NSF: variants seen among roughly 807,000 people sequenced by gnomAD.
NSF encodes the protein N-ethylmaleimide sensitive factor, vesicle fusing ATPase.
Under a neutral mutation model 50.3 loss-of-function variants are expected in NSF, and 14 were observed. The observed-to-expected ratio is 0.28, with a 90% CI of 0.18 to 0.44. The LOEUF is 0.44. Among genes scored for constraint, NSF ranks in the 20% least tolerant of loss-of-function variants. NSF has a pLI of 1.00. For synonymous variants in NSF, 109 were observed against 175.7 expected (o/e 0.62, Z 3.00); for missense variants, 218 against 504.3 (o/e 0.43, Z 5.44).
chr17:46,735,580 C>T (rs1023451371), intron 17 of NSF, among the ~76,000 whole-genome samples: 12 of 151,972 alleles, frequency 7.9e-5, no homozygotes, highest in African/African-American at 2.9e-4. Context: ...AGAGATAATT[C>T]CTCATGTGTT....
intron 17 of NSF, among the ~76,000 whole-genome samples, chr17:46,735,695 A>G (rs2058996182): frequency 6.6e-6 from 1 of 152,204 alleles, no homozygotes; most frequent in Admixed American, 6.5e-5. Flanking sequence ...CTGTAATCCC[A>G]GCACTTTGGG....
At chr17:46,741,090 GAC>G (rs1338654267) in intron 17 of NSF, among the ~76,000 whole-genome samples, 14 of 152,134 alleles carry the variant, frequency 9.2e-5, no homozygotes, top group Admixed American at 3.3e-4. Flanking sequence ...AAAAACAGTA[GAC>G]AGCAAAGCAT....
At chr17:46,740,843 G>A (rs2059064171) in intron 17 of NSF, among the ~76,000 whole-genome samples, 1 of 152,026 alleles carries the variant, frequency 6.6e-6, no homozygotes. Flanking sequence ...TGTATTTTTA[G>A]TAGAGATGGG....
intron 8 of NSF, among the ~76,000 whole-genome samples, chr17:46,655,893 T>A (rs2058258756): frequency 9.9e-6 from 1 of 101,386 alleles, no homozygotes; most frequent in Non-Finnish European, 1.9e-5. Context: ...TTTTTTCATG[T>A]TATCTAGAAA....
At chr17:46,721,773 C>CCTCAAGGAAG (rs773157332) in intron 15 of NSF, 1 of 1,602,058 alleles carries the variant, frequency 6.2e-7, no homozygotes, top group Non-Finnish European at 8.5e-7. Context: ...AAGACCAAGT[C>CCTCAAGGAAG]CTCAAGGAAG....
At chr17:46,744,095 G>A (rs1032645220) in intron 17 of NSF, among the ~76,000 whole-genome samples, 1 of 152,026 alleles carries the variant, frequency 6.6e-6, no homozygotes, top group African/African-American at 2.4e-5. Context: ...CCCATAAACC[G>A]GGTGCCCTCC....
chr17:46,725,042 G>T (rs1254685868), intron 15 of NSF, among the ~76,000 whole-genome samples: 2 of 151,956 alleles, frequency 1.3e-5, no homozygotes. Context: ...ATGATATGAG[G>T]ATACAGAGGT....
At position 46,741,700 on chromosome 17, in the gene NSF, A is replaced by T. The variant is rs758018327; in HGVS notation, c.1909-8073A>T. On this transcript the variant is annotated intron_variant, in intron 17 of 20. Coordinates refer to ENST00000398238, the MANE Select transcript of NSF (RefSeq NM_006178.4). Reference sequence around the variant, plus strand: ...CTTGTCTCTGGTTGCTTTTAATGGTAGTCGATCTTTTCCCTTGGTTTGGGG... The same window carrying T: ...CTTGTCTCTGGTTGCTTTTAATGGTTGTCGATCTTTTCCCTTGGTTTGGGG... Among the ~76,000 whole-genome samples the T allele has an allele frequency of 7.9e-5, 12 of 152,336 alleles. No individual in the cohort carries two copies. The East Asian group carries it at 9.6e-4, about 12-fold the overall frequency.
intron 13 of NSF, among the ~76,000 whole-genome samples, chr17:46,710,183 TGTA>T (rs2058705043): frequency 1.3e-5 from 2 of 152,202 alleles, no homozygotes; most frequent in Non-Finnish European, 2.9e-5. Context: ...GATCTTTACA[TGTA>T]GTAGGTTATG....
intron 17 of NSF, among the ~76,000 whole-genome samples, chr17:46,732,719 T>C (rs1215436843): frequency 6.6e-6 from 1 of 152,224 alleles, no homozygotes; most frequent in Non-Finnish European, 1.5e-5. Flanking sequence ...TAAAATGGAT[T>C]GAACAGGAGA....
intron 19 of NSF, among the ~76,000 whole-genome samples, chr17:46,753,530 C>CAGGT (rs1025167181): frequency 1.3e-5 from 2 of 152,064 alleles, no homozygotes; most frequent in Admixed American, 6.5e-5. Flanking sequence ...AGTGCAAATA[C>CAGGT]AGGTGTATTG....
chr17:46,726,749 T>C (rs1177074341), intron 16 of NSF, 134 bp downstream of exon 16: 2 of 803,826 alleles, frequency 2.5e-6, no homozygotes, highest in African/African-American at 3.4e-5. Flanking sequence ...TACAAGGAAA[T>C]ATAATGTTCT....
chr17:46,742,521 A>AT (rs1478363606), intron 17 of NSF, among the ~76,000 whole-genome samples: 2 of 152,236 alleles, frequency 1.3e-5, no homozygotes, highest in African/African-American at 4.8e-5. Context: ...TATAGTAAGT[A>AT]TATAGTATGT....
intron 9 of NSF, among the ~76,000 whole-genome samples, chr17:46,679,671 A>G (rs980570053): frequency 7.6e-5 from 11 of 145,418 alleles, no homozygotes; most frequent in African/African-American, 2.8e-4. Flanking sequence ...CAGCCTGGGT[A>G]ACAAAAGTGA....
At chr17:46,753,379 A>T (rs1001909599) in intron 19 of NSF, among the ~76,000 whole-genome samples, 16 of 152,312 alleles carry the variant, frequency 1.1e-4, no homozygotes, top group Admixed American at 6.5e-4. Context: ...TGAAAATAAA[A>T]TTTTTTTGAC....
intron 15 of NSF, chr17:46,721,574 A>ATTT (rs1488567517): frequency 3.4e-6 from 5 of 1,491,536 alleles, no homozygotes; most frequent in Non-Finnish European, 4.6e-6. Context: ...TTATTTAGCC[A>ATTT]TTTTTGTTTA....
chr17:46,605,987 T>A (rs1598638019), intron 1 of NSF, among the ~76,000 whole-genome samples: 2 of 27,212 alleles, frequency 7.3e-5, no homozygotes, highest in African/African-American at 2.3e-4. Flanking sequence ...TCGTCTCTAC[T>A]AAAAATACAA....
intron 17 of NSF, among the ~76,000 whole-genome samples, chr17:46,737,951 T>C (rs1249573728): frequency 7.4e-6 from 1 of 134,492 alleles, no homozygotes. Flanking sequence ...TTATTATTAT[T>C]AGAGATAGGA....
intron 17 of NSF, among the ~76,000 whole-genome samples, chr17:46,734,876 G>A (rs531501550): frequency 1.3e-5 from 2 of 152,244 alleles, no homozygotes; most frequent in African/African-American, 4.8e-5. Context: ...AGGCAACATA[G>A]TAAGACCAGT....
Sources: gnomAD v4.1 joint callset for allele counts (sites outside exome capture counted in the v4.1 genomes callset) on GRCh38, gnomAD v4.1.1 for gene constraint, MANE v1.5 for transcripts, NCBI Gene and HGNC (gene_info 2026-07-23, HGNC 2026-07-21) for gene names.